Variants in RANBP9 observed in about 807,000 individuals in gnomAD.
RANBP9 encodes ran-binding protein 9.
A neutral mutation model predicts 84.3 loss-of-function variants in RANBP9; 15 were observed. The observed-to-expected ratio is 0.18, with a 90% CI of 0.12 to 0.27. The LOEUF (loss-of-function observed/expected upper bound fraction) is 0.27. Among genes scored for constraint, RANBP9 ranks in the 10% least tolerant of loss-of-function variants. The probability of loss-of-function intolerance (pLI) is 1.00; values close to 1 mark genes in which losing one functional copy is unlikely to be tolerated. For missense variants in RANBP9, 809 were observed against 912.8 expected (o/e 0.89, Z 1.46); for synonymous variants, 392 against 349.6 (o/e 1.12, Z -1.35).
At chr6:13,652,060 C>T (rs546932731) in intron 5 of RANBP9, among the ~76,000 whole-genome samples, 1 of 152,218 alleles carries the variant, frequency 6.6e-6, no homozygotes, top group Non-Finnish European at 1.5e-5. Context: ...AAAGCTTCAG[C>T]TCAAGTCTCA....
At chr6:13,657,608 T>G (rs1765431447) in intron 3 of RANBP9, among the ~76,000 whole-genome samples, 1 of 152,194 alleles carries the variant, frequency 6.6e-6, no homozygotes, top group Admixed American at 6.5e-5. Flanking sequence ...ATAATTTTGT[T>G]TTGATTTAAA....
chr6:13,626,283 A>C (rs916449555), intron 12 of RANBP9, among the ~76,000 whole-genome samples: 1 of 152,200 alleles, frequency 6.6e-6, no homozygotes, highest in Non-Finnish European at 1.5e-5. Context: ...CAACTATCTC[A>C]AGCCACACCT....
intron 1 of RANBP9, among the ~76,000 whole-genome samples, chr6:13,703,691 C>T (rs1372067042): frequency 6.6e-6 from 1 of 152,116 alleles, no homozygotes; most frequent in Admixed American, 6.5e-5. Context: ...AAGGATAAGC[C>T]AGTCAGTAGG....
chr6:13,662,803 CAG>C (rs1015629513), intron 2 of RANBP9, among the ~76,000 whole-genome samples: 6 of 152,098 alleles, frequency 3.9e-5, no homozygotes, highest in African/African-American at 1.4e-4. Flanking sequence ...AAGAACCAAA[CAG>C]AAATTCTGGA....
At chr6:13,628,789 A>C (rs978434399) in intron 12 of RANBP9, among the ~76,000 whole-genome samples, 1 of 152,256 alleles carries the variant, frequency 6.6e-6, no homozygotes, top group African/African-American at 2.4e-5. Context: ...GCAAATAAGC[A>C]ATTTTAAGAT....
chr6:13,680,205 T>A (rs1765999043), intron 2 of RANBP9, among the ~76,000 whole-genome samples: 1 of 150,722 alleles, frequency 6.6e-6, no homozygotes, highest in African/African-American at 2.4e-5. Flanking sequence ...ATAATTAGAG[T>A]CCCTAAAAAA....
At chr6:13,705,089 A>G (rs1032677024) in intron 1 of RANBP9, among the ~76,000 whole-genome samples, 4 of 152,136 alleles carry the variant, frequency 2.6e-5, no homozygotes, top group Non-Finnish European at 4.4e-5. Flanking sequence ...AAACACATAT[A>G]AATTGTCTAG....
intron 10 of RANBP9, among the ~76,000 whole-genome samples, chr6:13,637,478 A>G (rs372988585): frequency 6.6e-6 from 1 of 152,238 alleles, no homozygotes; most frequent in Admixed American, 6.5e-5. Context: ...CCACTGTGAA[A>G]ACATAACAAA....
At chr6:13,674,417 C>T (rs917269090) in intron 2 of RANBP9, among the ~76,000 whole-genome samples, 1 of 152,078 alleles carries the variant, frequency 6.6e-6, no homozygotes, top group Non-Finnish European at 1.5e-5. Flanking sequence ...CGGAGAAAAA[C>T]AGGAATAGTA....
At chr6:13,698,311 C>G (rs545733998) in intron 1 of RANBP9, among the ~76,000 whole-genome samples, 4 of 152,148 alleles carry the variant, frequency 2.6e-5, no homozygotes, top group Non-Finnish European at 5.9e-5. Context: ...TGCATCAAAA[C>G]TACTTCAACA....
At chr6:13,622,537 A>G (rs1281895347) in intron 13 of RANBP9, 45 bp from the exon 14 acceptor site, 1 of 1,504,398 alleles carries the variant, frequency 6.6e-7, no homozygotes, top group East Asian at 2.3e-5. Flanking sequence ...TTAGCAAGAC[A>G]TTTTAAAAAA....
intron 12 of RANBP9, among the ~76,000 whole-genome samples, chr6:13,631,388 T>C (rs1211984531): frequency 6.6e-6 from 1 of 152,160 alleles, no homozygotes; most frequent in Non-Finnish European, 1.5e-5. Flanking sequence ...AGATTTCAGA[T>C]TTTTTCAAAT....
At chr6:13,658,745 T>TA (rs1562308128) in intron 3 of RANBP9, 35 bp downstream of exon 3, 2 of 1,498,662 alleles carry the variant, frequency 1.3e-6, no homozygotes, top group Non-Finnish European at 1.9e-6. Flanking sequence ...GAGCTACTCA[T>TA]AAGACATAAT....
chr6:13,682,937 C>G (rs1254460313), intron 2 of RANBP9, among the ~76,000 whole-genome samples: 1 of 152,056 alleles, frequency 6.6e-6, no homozygotes, highest in Non-Finnish European at 1.5e-5. Flanking sequence ...GTAAATATAG[C>G]AAAATCTTAA....
chr6:13,649,301 G>C (rs1213696892), intron 5 of RANBP9, among the ~76,000 whole-genome samples: 1 of 151,706 alleles, frequency 6.6e-6, no homozygotes, highest in African/African-American at 2.4e-5. Flanking sequence ...GCTACCTGAG[G>C]GAAAAAACAT....
chr6:13,682,366 G>A (rs1047411244), intron 2 of RANBP9, among the ~76,000 whole-genome samples: 7 of 147,448 alleles, frequency 4.7e-5, no homozygotes, highest in Admixed American at 1.4e-4. Flanking sequence ...CATCCCTAAT[G>A]GGATATATTC....
chr6:13,646,196 G>C lies in RANBP9; in HGVS notation c.928-1467C>G, dbSNP rs2127766700. ...AGGCTGGGGCAGGTAGATCACCTCA[G>C]GTCAGGAGTACAAGACCAGCCTGAC... On this transcript the variant is annotated intron_variant, in intron 5 of 13. Coordinates refer to ENST00000011619, the MANE Select transcript of RANBP9 (RefSeq NM_005493.3). Among the ~76,000 whole-genome samples, 2 of 152,204 alleles carry C rather than the reference G, an allele frequency of 1.3e-5. 1 individual carries two copies. The highest frequency in any genetic ancestry group is 6.8e-3 in the Middle Eastern group (2 of 294).
chr6:13,690,283 T>C (rs764967705), intron 2 of RANBP9, among the ~76,000 whole-genome samples: 4 of 152,226 alleles, frequency 2.6e-5, no homozygotes, highest in Non-Finnish European at 4.4e-5. Flanking sequence ...ATATCATAGG[T>C]GTTCAACATA....
chr6:13,689,438 T>C (rs572653338), intron 2 of RANBP9, among the ~76,000 whole-genome samples: 6 of 152,168 alleles, frequency 3.9e-5, no homozygotes, highest in Admixed American at 2.0e-4. Flanking sequence ...ACCCAGCTAA[T>C]TTTTGTACTT....
Sources: allele counts gnomAD v4.1 joint callset (sites outside exome capture counted in the v4.1 genomes callset), GRCh38; gene constraint gnomAD v4.1.1; transcripts MANE v1.5; gene names NCBI Gene and HGNC (gene_info 2026-07-23, HGNC 2026-07-21).